Variants in CCSER1 observed in about 807,000 individuals in gnomAD.
The protein encoded by CCSER1 is serine-rich coiled-coil domain-containing protein 1.
Under a neutral mutation model 82.0 loss-of-function variants are expected in CCSER1, and 41 were observed. That is an observed-to-expected ratio of 0.50 (90% CI 0.39 to 0.65). The LOEUF is 0.65. Among genes scored for constraint, CCSER1 ranks in the 30% least tolerant of loss-of-function variants. The pLI, the probability that CCSER1 is intolerant of heterozygous loss-of-function variation, is 0.00. For synonymous variants in CCSER1, 414 were observed against 383.9 expected (o/e 1.08, Z -0.92); for missense variants, 1,119 against 1,064.2 (o/e 1.05, Z -0.72).
rs188578722 is a variant in CCSER1 at position 90,348,353 on chromosome 4, T to C, written c.1509+35306T>C. On this transcript the variant is annotated intron_variant, in intron 3 of 10. Transcript: ENST00000509176. Reference sequence around the variant, plus strand: ...AATATTTCAGTATTTTTGTTATGTGTACGTATTTGAAATCATAGATTATAT... The same window carrying C: ...AATATTTCAGTATTTTTGTTATGTGCACGTATTTGAAATCATAGATTATAT... Among the ~76,000 whole-genome samples the C allele has an allele frequency of 3.1e-4, 47 of 152,350 alleles. No individual in the cohort carries two copies. In the East Asian group the frequency reaches 8.1e-3, roughly 26 times the overall value.
At chr4:90,570,638 G>A (rs2153653806) in intron 5 of CCSER1, among the ~76,000 whole-genome samples, 1 of 152,214 alleles carries the variant, frequency 6.6e-6, no homozygotes, top group South Asian at 2.1e-4. Context: ...TTAGGACAAA[G>A]GAAATGGGTG....
At chr4:90,272,183 C>T (rs1402328651) in intron 1 of CCSER1, among the ~76,000 whole-genome samples, 5 of 151,784 alleles carry the variant, frequency 3.3e-5, no homozygotes, top group Admixed American at 1.3e-4. Flanking sequence ...ACAGCCAAAC[C>T]GTATCAATAT....
chr4:91,452,774 T>A (rs888146794), intron 10 of CCSER1, among the ~76,000 whole-genome samples: 3 of 152,064 alleles, frequency 2.0e-5, no homozygotes, highest in African/African-American at 7.2e-5. Context: ...TGACAAGCAC[T>A]GTTGAGCTCT....
intron 1 of CCSER1, among the ~76,000 whole-genome samples, chr4:90,203,926 A>C (rs972460080): frequency 3.3e-5 from 5 of 152,030 alleles, no homozygotes; most frequent in African/African-American, 1.2e-4. Context: ...TTTGATTTGC[A>C]TTTCTCTAAT....
chr4:90,332,485 C>T (rs1448304818), intron 3 of CCSER1, among the ~76,000 whole-genome samples: 6 of 152,214 alleles, frequency 3.9e-5, no homozygotes, highest in Non-Finnish European at 1.5e-5. Context: ...ATCCACCTGC[C>T]TTGGCCCTCC....
intron 1 of CCSER1, among the ~76,000 whole-genome samples, chr4:90,234,463 C>T (rs1050313318): frequency 5.9e-5 from 9 of 152,120 alleles, no homozygotes; most frequent in Non-Finnish European, 1.2e-4. Context: ...ATGATCCGCC[C>T]GCCTTGGCCT....
chr4:91,133,968 G>T (rs549475254), intron 10 of CCSER1, among the ~76,000 whole-genome samples: 2 of 152,078 alleles, frequency 1.3e-5, no homozygotes, highest in Non-Finnish European at 2.9e-5. Context: ...GCAAGGTGGC[G>T]CATGCCTATA....
intron 10 of CCSER1, among the ~76,000 whole-genome samples, chr4:91,350,376 G>A (rs1748392737): frequency 6.6e-6 from 1 of 151,858 alleles, no homozygotes. Flanking sequence ...CTGCTTTTTG[G>A]CAAAAATAGA....
chr4:91,308,491 A>G (rs890423518), intron 10 of CCSER1, among the ~76,000 whole-genome samples: 1 of 152,010 alleles, frequency 6.6e-6, no homozygotes, highest in Non-Finnish European at 1.5e-5. Flanking sequence ...GTCTGGGCCT[A>G]CTAGGAACTC....
chr4:91,459,333 A>G (rs1756371911), intron 10 of CCSER1, among the ~76,000 whole-genome samples: 1 of 152,102 alleles, frequency 6.6e-6, no homozygotes, highest in South Asian at 2.1e-4. Flanking sequence ...TGTATGTGTT[A>G]TGTGTTTGTA....
intron 9 of CCSER1, among the ~76,000 whole-genome samples, chr4:90,975,994 T>G (rs1451090437): frequency 2.0e-5 from 3 of 151,304 alleles, no homozygotes; most frequent in Non-Finnish European, 4.4e-5. Flanking sequence ...CTTTTATTAA[T>G]TGTGTGACCT....
intron 9 of CCSER1, among the ~76,000 whole-genome samples, chr4:90,952,581 C>T (rs1017795280): frequency 1.3e-5 from 2 of 151,966 alleles, no homozygotes; most frequent in African/African-American, 4.8e-5. Flanking sequence ...AAAAATGGGA[C>T]TTGTTTACTA....
intron 10 of CCSER1, among the ~76,000 whole-genome samples, chr4:91,324,081 C>A (rs1415938864): frequency 2.6e-5 from 4 of 152,198 alleles, no homozygotes; most frequent in Non-Finnish European, 1.5e-5. Flanking sequence ...AGCTGGAGAT[C>A]ATCTTAAAGT....
chr4:91,421,462 G>A (rs1215009855), intron 10 of CCSER1, among the ~76,000 whole-genome samples: 2 of 152,132 alleles, frequency 1.3e-5, no homozygotes, highest in Non-Finnish European at 2.9e-5. Flanking sequence ...AGAAGAAGAT[G>A]GATGTCCCAA....
chr4:90,793,150 A>C (rs1305479271), intron 7 of CCSER1, among the ~76,000 whole-genome samples: 1 of 152,192 alleles, frequency 6.6e-6, no homozygotes, highest in Non-Finnish European at 1.5e-5. Flanking sequence ...AGTGATGTTC[A>C]AACATAATTT....
intron 1 of CCSER1, among the ~76,000 whole-genome samples, chr4:90,293,419 G>T (rs1002972393): frequency 6.6e-6 from 1 of 151,250 alleles, no homozygotes; most frequent in African/African-American, 2.4e-5. Flanking sequence ...GTTTTAAAAA[G>T]ATTTAATTTG....
chr4:91,585,557 A>T (rs954985283), intron 10 of CCSER1, among the ~76,000 whole-genome samples: 1 of 151,518 alleles, frequency 6.6e-6, no homozygotes, highest in Admixed American at 6.6e-5. Flanking sequence ...AAGAGAATGT[A>T]TAGGTTGTGT....
chr4:91,477,634 A>C (rs1329414874), intron 10 of CCSER1, among the ~76,000 whole-genome samples: 1 of 151,784 alleles, frequency 6.6e-6, no homozygotes, highest in Non-Finnish European at 1.5e-5. Flanking sequence ...TATGGTTATA[A>C]TGCTAAATAA....
rs376584856 is a variant in CCSER1 at position 90,966,125 on chromosome 4, G to T, written c.2172+42678G>T. Among the ~76,000 whole-genome samples the T allele has an allele frequency of 1.5e-4, 23 of 152,104 alleles. No homozygotes were observed. In the East Asian group the frequency reaches 1.5e-3, roughly 10 times the overall value. On this transcript the variant is annotated intron_variant, in intron 9 of 10. Coordinates refer to ENST00000509176, the MANE Select transcript of CCSER1 (RefSeq NM_001145065.2). ...CAGAGACTCAGAAACCTGTAAAAAC[G>T]CTGTGAAGTGTATCAACATACACAT...
Sources: gnomAD v4.1 joint callset for allele counts (sites outside exome capture counted in the v4.1 genomes callset) on GRCh38, gnomAD v4.1.1 for gene constraint, MANE v1.5 for transcripts, NCBI Gene and HGNC (gene_info 2026-07-23, HGNC 2026-07-21) for gene names.